Variants in CNTN3 observed in about 807,000 individuals in gnomAD.
CNTN3 encodes contactin-3.
In CNTN3, 60 loss-of-function variants were observed where a neutral mutation model predicts 119.1. The ratio of observed to expected loss-of-function variants is 0.50; its 90% CI spans 0.41 to 0.62. The LOEUF is 0.62. CNTN3 is among the 20% of genes least tolerant of loss of function. The pLI, the probability that CNTN3 is intolerant of heterozygous loss-of-function variation, is 0.00. For missense variants in CNTN3, 1,101 were observed against 1,242.4 expected (o/e 0.89, Z 1.71); for synonymous variants, 450 against 438.7 (o/e 1.03, Z -0.32).
intron 1 of CNTN3, among the ~76,000 whole-genome samples, chr3:74,597,945 A>G (rs1335972253): frequency 6.6e-6 from 1 of 152,042 alleles, no homozygotes; most frequent in African/African-American, 2.4e-5. Flanking sequence ...ACCCATAACA[A>G]TTAAGTGTAT....
intron 1 of CNTN3, among the ~76,000 whole-genome samples, chr3:74,560,577 CATCTT>C (rs1704137779): frequency 6.6e-6 from 1 of 152,122 alleles, no homozygotes; most frequent in African/African-American, 2.4e-5. Context: ...AAACCACTCT[CATCTT>C]AAACTAGTAC....
chr3:74,311,062 A>G (rs752844798), intron 13 of CNTN3, among the ~76,000 whole-genome samples: 4 of 152,168 alleles, frequency 2.6e-5, no homozygotes, highest in Non-Finnish European at 5.9e-5. Flanking sequence ...AGAATCCAAG[A>G]TAGGTTATTT....
chr3:74,388,726 G>C (rs1218522371), intron 5 of CNTN3, among the ~76,000 whole-genome samples: 3 of 152,150 alleles, frequency 2.0e-5, no homozygotes, highest in African/African-American at 7.2e-5. Flanking sequence ...ATACAGGCAA[G>C]ATAAAACGGA....
At chr3:74,439,771 A>C (rs1701931226) in intron 4 of CNTN3, among the ~76,000 whole-genome samples, 1 of 152,188 alleles carries the variant, frequency 6.6e-6, no homozygotes, top group South Asian at 2.1e-4. Flanking sequence ...CAAAAGGTGA[A>C]AAAGATAATA....
intron 11 of CNTN3, among the ~76,000 whole-genome samples, chr3:74,358,424 G>T (rs1703991600): frequency 6.6e-6 from 1 of 151,076 alleles, no homozygotes; most frequent in African/African-American, 2.4e-5. Context: ...TTGTTTATTG[G>T]GTGCATTCCC....
At chr3:74,312,639 T>C (rs1363634537) in intron 13 of CNTN3, among the ~76,000 whole-genome samples, 1 of 151,862 alleles carries the variant, frequency 6.6e-6, no homozygotes, top group East Asian at 2.0e-4. Context: ...TCTAGGGGCA[T>C]AAGTTCATTA....
chr3:74,582,984 C>T (rs1453059687), intron 1 of CNTN3, among the ~76,000 whole-genome samples: 1 of 152,184 alleles, frequency 6.6e-6, no homozygotes, highest in Non-Finnish European at 1.5e-5. Flanking sequence ...TATGGAGAGG[C>T]TGACACCATG....
intron 1 of CNTN3, among the ~76,000 whole-genome samples, chr3:74,603,694 T>C (rs917507971): frequency 6.6e-6 from 1 of 152,084 alleles, no homozygotes; most frequent in Non-Finnish European, 1.5e-5. Flanking sequence ...AAAGATATCC[T>C]ACGTTTATGG....
chr3:74,560,500 A>G (rs1464199911), intron 1 of CNTN3, among the ~76,000 whole-genome samples: 2 of 152,172 alleles, frequency 1.3e-5, no homozygotes, highest in African/African-American at 2.4e-5. Flanking sequence ...ACATGCACAT[A>G]TTTATAGAAA....
intron 1 of CNTN3, among the ~76,000 whole-genome samples, chr3:74,580,924 T>A (rs538954006): frequency 4.6e-5 from 7 of 152,250 alleles, no homozygotes; most frequent in African/African-American, 1.7e-4. Flanking sequence ...GCCATGTTGC[T>A]CACATTGGTC....
chr3:74,552,797 A>ACTGT (rs57292992), intron 1 of CNTN3, among the ~76,000 whole-genome samples: 129,781 of 147,644 alleles, frequency 0.88, 56,363 homozygotes, highest in East Asian at 0.93. Flanking sequence ...TGGTTTTATA[A>ACTGT]CTGACAGTTC....
chr3:74,532,381 C>A (rs1432387708), intron 1 of CNTN3, among the ~76,000 whole-genome samples: 1 of 151,982 alleles, frequency 6.6e-6, no homozygotes, highest in South Asian at 2.1e-4. Context: ...CTTGAAACTG[C>A]AGATAGTACC....
chr3:74,348,467 A>G (rs936505343), intron 11 of CNTN3, among the ~76,000 whole-genome samples: 1 of 152,160 alleles, frequency 6.6e-6, no homozygotes, highest in African/African-American at 2.4e-5. Context: ...TAGGGAATTC[A>G]GCTTCCACCT....
At chr3:74,325,012 T>C (rs1703095056) in intron 13 of CNTN3, among the ~76,000 whole-genome samples, 2 of 152,162 alleles carry the variant, frequency 1.3e-5, no homozygotes, top group Non-Finnish European at 2.9e-5. Flanking sequence ...AATACATGTA[T>C]TGAAATATCA....
intron 3 of CNTN3, among the ~76,000 whole-genome samples, chr3:74,491,312 G>A (rs1336044931): frequency 2.7e-5 from 4 of 150,008 alleles, no homozygotes; most frequent in African/African-American, 7.3e-5. Flanking sequence ...ACCAGCCTGG[G>A]CAACACGGAG....
At chr3:74,378,274 T>C (rs1341046298) in intron 5 of CNTN3, among the ~76,000 whole-genome samples, 2 of 152,190 alleles carry the variant, frequency 1.3e-5, no homozygotes, top group Non-Finnish European at 2.9e-5. Flanking sequence ...AAATAACACA[T>C]AGTCAATGGT....
At chr3:74,441,141 A>G (rs948545162) in intron 4 of CNTN3, among the ~76,000 whole-genome samples, 2 of 152,088 alleles carry the variant, frequency 1.3e-5, no homozygotes, top group African/African-American at 4.8e-5. Flanking sequence ...TTTTAATGTG[A>G]CTCTTGATAG....
rs570049418 is a variant in CNTN3 at position 74,594,363 on chromosome 3, T to C, written c.-81+20028A>G. 3.3e-5 allele frequency among the ~76,000 whole-genome samples: 5 copies of C among 151,452 alleles called. No homozygotes were observed. The South Asian group carries it at 8.4e-4, about 25-fold the overall frequency. On this transcript the variant is annotated intron_variant, in intron 1 of 22. Coordinates refer to ENST00000263665, the MANE Select transcript of CNTN3 (RefSeq NM_020872.3). ...AATGTGCAGGTTATTTACATATGTA[T>C]ACATGTGCCATGCTGGTGCACTGCA...
At chr3:74,502,881 A>G (rs1703189934) in intron 2 of CNTN3, among the ~76,000 whole-genome samples, 1 of 152,126 alleles carries the variant, frequency 6.6e-6, no homozygotes, top group African/African-American at 2.4e-5. Flanking sequence ...ATGTTTATGC[A>G]TGTGTTTGTT....
Sources: allele counts gnomAD v4.1 joint callset (sites outside exome capture counted in the v4.1 genomes callset), GRCh38; gene constraint gnomAD v4.1.1; transcripts MANE v1.5; gene names NCBI Gene and HGNC (gene_info 2026-07-23, HGNC 2026-07-21).